Variants in DMD observed in about 807,000 individuals in gnomAD.
DMD encodes mutant dystrophin.
DMD carries 63 observed loss-of-function variants against 330.1 expected under a neutral mutation model. That is an observed-to-expected ratio of 0.19 (90% CI 0.16 to 0.24). DMD has a LOEUF of 0.24. Among genes scored for constraint, DMD ranks in the 10% least tolerant of loss-of-function variants. The pLI, the probability that DMD is intolerant of heterozygous loss-of-function variation, is 1.00. For missense variants in DMD, 3,344 were observed against 2,684.1 expected (o/e 1.25, Z -5.43); for synonymous variants, 1,223 against 959.8 (o/e 1.27, Z -5.07).
chrX:31,854,414 G>A (rs904930862), intron 48 of DMD, among the ~76,000 whole-genome samples: 1 of 111,752 alleles, frequency 8.9e-6, no homozygotes, highest in African/African-American at 3.3e-5. Flanking sequence ...TACATGTAAA[G>A]GTAATACTGC....
At position 31,918,738 on chromosome X, in the gene DMD, AATG is replaced by A. The variant is rs2094645183; in HGVS notation, c.6912+10855_6912+10857del. Among the ~76,000 whole-genome samples the A allele has an allele frequency of 3.6e-5, 4 of 110,157 alleles. No individual in the cohort carries two copies. In the South Asian group the frequency reaches 1.6e-3, roughly 43 times the overall value. ...CTGCAACCTCCGCCTCCTGGGTTCAAATGATTCTCCTGCCTCAGCCTCCCAAGT... is the reference window on the plus strand; with the variant it reads ...CTGCAACCTCCGCCTCCTGGGTTCAAATTCTCCTGCCTCAGCCTCCCAAGT... On this transcript the variant is annotated intron_variant, in intron 47 of 78. Transcript: ENST00000357033.
intron 53 of DMD, among the ~76,000 whole-genome samples, chrX:31,671,726 T>C (rs1221939754): frequency 8.9e-6 from 1 of 112,150 alleles, no homozygotes; most frequent in African/African-American, 3.2e-5. Flanking sequence ...TTACTTCTTT[T>C]TATTTCTGTA....
At chrX:32,822,830 C>A (rs2148847225) in intron 5 of DMD, among the ~76,000 whole-genome samples, 1 of 110,953 alleles carries the variant, frequency 9.0e-6, no homozygotes, top group South Asian at 3.7e-4. Flanking sequence ...TTCCAAATCA[C>A]ATTATGGAGT....
At chrX:31,507,919 T>C (rs774477686) in intron 55 of DMD, among the ~76,000 whole-genome samples, 13 of 111,847 alleles carry the variant, frequency 1.2e-4, no homozygotes, top group Non-Finnish European at 2.1e-4. Flanking sequence ...GAGAGACTAA[T>C]AAACAAGATT....
chrX:31,358,726 C>T (rs776541533), intron 60 of DMD, among the ~76,000 whole-genome samples: 2 of 112,331 alleles, frequency 1.8e-5, no homozygotes, highest in South Asian at 3.7e-4. Context: ...AGACATGTGT[C>T]GGCTTAAAAG....
At chrX:31,681,954 G>A (rs1287117795) in intron 52 of DMD, among the ~76,000 whole-genome samples, 2 of 111,177 alleles carry the variant, frequency 1.8e-5, no homozygotes, top group African/African-American at 3.3e-5. Flanking sequence ...ATTAGCACAC[G>A]CCTGTAATCC....
chrX:31,371,824 A>C (rs748134926), intron 60 of DMD, among the ~76,000 whole-genome samples: 34 of 112,388 alleles, frequency 3.0e-4, no homozygotes, highest in Admixed American at 1.3e-3. Context: ...TGTTGAGCCA[A>C]AGTTGTAAAC....
Position 32,788,958 on chromosome X carries a change from C to T in DMD, c.649+20535G>A, listed in dbSNP as rs1446716129. Among the ~76,000 whole-genome samples, 4 of 111,600 alleles carry T rather than the reference C, an allele frequency of 3.6e-5. No individual in the cohort carries two copies. The Admixed American group carries it at 3.8e-4, about 11-fold the overall frequency. On this transcript the variant is annotated intron_variant, in intron 7 of 78. Coordinates refer to ENST00000357033, the MANE Select transcript of DMD (RefSeq NM_004006.3). ...AGAACACAGTGATGTCAATTAGTAACAAGATGAGAGAGGCAGGCAAAAGAA... is the reference window on the plus strand; with the variant it reads ...AGAACACAGTGATGTCAATTAGTAATAAGATGAGAGAGGCAGGCAAAAGAA...
chrX:32,010,926 A>G (rs2095703542), intron 44 of DMD, among the ~76,000 whole-genome samples: 1 of 111,504 alleles, frequency 9.0e-6, no homozygotes, highest in Non-Finnish European at 1.9e-5. Context: ...CAACTAAAAA[A>G]CCCCAATCTG....
chrX:32,840,318 A>C (rs2148955641), intron 4 of DMD, among the ~76,000 whole-genome samples: 1 of 112,308 alleles, frequency 8.9e-6, no homozygotes, highest in Admixed American at 9.5e-5. Context: ...ATGACATCAT[A>C]TTCTAATTTT....
chrX:32,581,216 C>A (rs769906299), intron 13 of DMD, among the ~76,000 whole-genome samples: 2 of 112,264 alleles, frequency 1.8e-5, no homozygotes, highest in East Asian at 2.8e-4. Flanking sequence ...ACTTTTCATC[C>A]ACAAGAAATC....
intron 17 of DMD, among the ~76,000 whole-genome samples, chrX:32,526,949 C>A (rs3805061): frequency 2.7e-5 from 3 of 110,858 alleles, no homozygotes; most frequent in Non-Finnish European, 5.7e-5. Context: ...ATACAAGTTG[C>A]AACTCATCAT....
chrX:32,741,880 T>A (rs144519876), intron 7 of DMD, among the ~76,000 whole-genome samples: 2 of 112,223 alleles, frequency 1.8e-5, no homozygotes, highest in East Asian at 5.6e-4. Context: ...ATAAACTTGT[T>A]AGGCAAAAGT....
intron 1 of DMD, among the ~76,000 whole-genome samples, chrX:33,283,631 A>G: frequency 9.0e-6 from 1 of 111,509 alleles, no homozygotes; most frequent in East Asian, 2.8e-4. Flanking sequence ...AAGCAACCTA[A>G]CTAAAAATAG....
chrX:33,209,667 G>A (rs945449151), intron 1 of DMD, among the ~76,000 whole-genome samples: 3 of 111,011 alleles, frequency 2.7e-5, no homozygotes, highest in Non-Finnish European at 3.8e-5. Context: ...GTATATCTCC[G>A]TTTTTTCTTA....
intron 11 of DMD, among the ~76,000 whole-genome samples, chrX:32,620,685 C>G (rs1265091813): frequency 8.9e-6 from 1 of 112,130 alleles, no homozygotes; most frequent in African/African-American, 3.2e-5. Context: ...CAAATCTTTA[C>G]TGAGTTTCAT....
At chrX:32,697,220 T>G (rs1027210418) in intron 9 of DMD, among the ~76,000 whole-genome samples, 1 of 111,732 alleles carries the variant, frequency 8.9e-6, no homozygotes, top group Non-Finnish European at 1.9e-5. Context: ...TTGGGTTCCA[T>G]ACAATATTGA....
intron 41 of DMD, among the ~76,000 whole-genome samples, chrX:32,331,363 C>T (rs755309694): frequency 2.1e-4 from 23 of 111,477 alleles, no homozygotes; most frequent in African/African-American, 6.8e-4. Flanking sequence ...ACCAAGTTTC[C>T]TCATCTGATG....
intron 2 of DMD, among the ~76,000 whole-genome samples, chrX:32,912,979 C>A (rs972536697): frequency 8.9e-5 from 10 of 112,268 alleles, no homozygotes; most frequent in Non-Finnish European, 3.8e-5. Context: ...AGTATAACAA[C>A]ATCAACCTAA....
Sources: gnomAD v4.1 joint callset for allele counts (sites outside exome capture counted in the v4.1 genomes callset) on GRCh38, gnomAD v4.1.1 for gene constraint, MANE v1.5 for transcripts, NCBI Gene and HGNC (gene_info 2026-07-23, HGNC 2026-07-21) for gene names.